RAB20: variants seen among roughly 807,000 people sequenced by gnomAD.
The protein encoded by RAB20 is ras-related protein Rab-20.
In RAB20, 2 loss-of-function variants were observed where a neutral mutation model predicts 3.7. The observed-to-expected ratio is 0.54, with a 90% CI of 0.22 to 1.69. RAB20 has a LOEUF of 1.69. Among genes scored for constraint, RAB20 ranks in the 40% most tolerant of loss-of-function variants. RAB20 has a pLI of 0.19. For synonymous variants in RAB20, 126 were observed against 130.8 expected (o/e 0.96, Z 0.25); for missense variants, 276 against 311.9 (o/e 0.88, Z 0.87).
intron 1 of RAB20, among the ~76,000 whole-genome samples, chr13:110,548,238 C>T (rs1884888587): frequency 6.6e-6 from 1 of 152,190 alleles, no homozygotes; most frequent in Non-Finnish European, 1.5e-5. Flanking sequence ...CATTCCAGCA[C>T]TTTGGGAGGC....
chr13:110,557,149 C>A (rs1352726246), intron 1 of RAB20, among the ~76,000 whole-genome samples: 2 of 152,110 alleles, frequency 1.3e-5, no homozygotes, highest in Non-Finnish European at 2.9e-5. Flanking sequence ...AGCCTGGGGT[C>A]TGAATGAGGA....
intron 1 of RAB20, among the ~76,000 whole-genome samples, chr13:110,538,930 C>G: frequency 6.6e-6 from 1 of 152,102 alleles, no homozygotes; most frequent in Admixed American, 6.5e-5. Flanking sequence ...TCAATTGTAC[C>G]AAGAAAATAC....
intron 1 of RAB20, among the ~76,000 whole-genome samples, chr13:110,537,124 G>C (rs1289313547): frequency 2.0e-5 from 3 of 151,818 alleles, no homozygotes; most frequent in African/African-American, 7.3e-5. Context: ...GGGACTACAG[G>C]CTCACGCCAC....
In RAB20 at chr13:110,523,095, TA is replaced by T; in HGVS notation, c.*569del. 2 of 388,574 alleles carry T rather than the reference TA, an allele frequency of 5.1e-6. No individual in the cohort carries two copies. Among genetic ancestry groups the T allele is most frequent in the Non-Finnish European group, 9.1e-6 (2 of 220,470 alleles). 24.1% of individuals were successfully genotyped at this position (388,574 alleles called of 1,614,324 possible). A position where few individuals can be genotyped will look rare whatever the true frequency, so the allele number is the denominator to read the frequency against. On this transcript the variant is annotated 3_prime_UTR_variant, in exon 2 of 2. Coordinates refer to ENST00000267328, the MANE Select transcript of RAB20 (RefSeq NM_017817.3). ...TTGTTCCAAAAATCCTCTTTAATAA[TA>T]CATGTAGCCAACATTGCTGCAATCA... is the stretch of plus-strand genomic sequence containing the variant.
intron 1 of RAB20, among the ~76,000 whole-genome samples, chr13:110,549,434 G>A (rs1000102567): frequency 7.9e-5 from 12 of 152,288 alleles, no homozygotes; most frequent in Non-Finnish European, 1.5e-4. Context: ...TTTCATCCAC[G>A]GTTCCTAGCT....
chr13:110,536,289 G>C (rs887921929), intron 1 of RAB20, among the ~76,000 whole-genome samples: 1 of 152,196 alleles, frequency 6.6e-6, no homozygotes, highest in Admixed American at 6.5e-5. Context: ...GGGAGAGGAT[G>C]AGCTTCTGCT....
At chr13:110,524,652 C>G (rs1038176630) in intron 1 of RAB20, among the ~76,000 whole-genome samples, 4 of 152,240 alleles carry the variant, frequency 2.6e-5, no homozygotes, top group African/African-American at 9.6e-5. Context: ...TCCCTTCACC[C>G]TCCTCCTTTA....
Position 110,523,757 on chromosome 13 carries a change from T to A in RAB20, c.613A>T (p.Ile205Phe), listed in dbSNP as rs373300657. 2.5e-6 allele frequency: 4 copies of A among 1,614,064 alleles called. No individual in the cohort carries two copies. The African/African-American group carries it at 5.3e-5, about 22-fold the overall frequency. The part of the protein sequence containing the change: ...ETLFDLVVPM[I>F]LQQRAERPSH... ...GGCCTCTCAGCTCTCTGCTGTAAGA[T>A]CATTGGCACCACCAGGTCAAAGAGG... The change falls in exon 2 of 2, where the codon ATC becomes TTC. Residue 205 changes from isoleucine (I) to phenylalanine (F), a missense_variant. Coordinates refer to ENST00000267328, the MANE Select transcript of RAB20 (RefSeq NM_017817.3).
chr13:110,555,853 C>T lies in RAB20; in HGVS notation c.172+5495G>A, dbSNP rs1371175024. ...CCAGCCTTCCCTCCTCTCGCCGTGG[C>T]CTCCCCATTTATTAGAGACTTGTTT... is the stretch of plus-strand genomic sequence containing the variant. On this transcript the variant is annotated intron_variant, in intron 1 of 1. Coordinates refer to ENST00000267328, the MANE Select transcript of RAB20 (RefSeq NM_017817.3). The surrounding 1 kb of genome is among the most constrained non-coding windows in gnomAD (Gnocchi z 4.0). Among the ~76,000 whole-genome samples the T allele has an allele frequency of 6.6e-6, 1 of 152,230 alleles. No homozygotes were observed. The highest frequency in any genetic ancestry group is 1.5e-5 in the Non-Finnish European group (1 of 68,044).
At chr13:110,556,998 TG>T (rs1410523858) in intron 1 of RAB20, among the ~76,000 whole-genome samples, 1 of 152,176 alleles carries the variant, frequency 6.6e-6, no homozygotes, top group Non-Finnish European at 1.5e-5. Context: ...CAGCCCGGAT[TG>T]GCCTAAACAG....
At chr13:110,551,246 A>C (rs1884945990) in intron 1 of RAB20, among the ~76,000 whole-genome samples, 1 of 152,220 alleles carries the variant, frequency 6.6e-6, no homozygotes, top group Admixed American at 6.5e-5. Context: ...ATGGGGTGCA[A>C]GGTCACTTTG....
chr13:110,538,111 C>T (rs996177630), intron 1 of RAB20, among the ~76,000 whole-genome samples: 61 of 151,552 alleles, frequency 4.0e-4, no homozygotes, highest in African/African-American at 1.4e-3. Context: ...TGGTGGTGTT[C>T]GCCTATAGGC....
chr13:110,537,952 G>A lies in RAB20; in HGVS notation c.173-13755C>T, dbSNP rs954711868. On this transcript the variant is annotated intron_variant, in intron 1 of 1. Transcript: ENST00000267328. ...AACCATGCTACACTATCAGCTTCAG[G>A]TCCTCCACCAGGATGGATCAGGAAA... 7.6e-4 allele frequency among the ~76,000 whole-genome samples: 115 copies of A among 152,064 alleles called. 1 individual carries two copies. Among genetic ancestry groups the A allele is most frequent in the Admixed American group, 7.5e-3 (114 of 15,266 alleles).
chr13:110,534,004 C>T (rs927994251), intron 1 of RAB20, among the ~76,000 whole-genome samples: 2 of 152,216 alleles, frequency 1.3e-5, no homozygotes, highest in Non-Finnish European at 2.9e-5. Context: ...TTGCCAGCCT[C>T]CACCCACCGT....
At chr13:110,543,279 C>T (rs1884796937) in intron 1 of RAB20, among the ~76,000 whole-genome samples, 1 of 152,122 alleles carries the variant, frequency 6.6e-6, no homozygotes, top group Non-Finnish European at 1.5e-5. Flanking sequence ...CAGATGTGCA[C>T]CACCTCCCCT....
chr13:110,544,555 T>C (rs1884819309), intron 1 of RAB20, among the ~76,000 whole-genome samples: 1 of 152,210 alleles, frequency 6.6e-6, no homozygotes, highest in African/African-American at 2.4e-5. Flanking sequence ...ATGACTCTAA[T>C]ACAGATGTAA....
chr13:110,542,039 G>T (rs954660407), intron 1 of RAB20, among the ~76,000 whole-genome samples: 1 of 152,032 alleles, frequency 6.6e-6, no homozygotes, highest in Non-Finnish European at 1.5e-5. Context: ...AATAATAAGG[G>T]TGTTTGTTGG....
chr13:110,531,048 G>C (rs1174349764), intron 1 of RAB20, among the ~76,000 whole-genome samples: 1 of 152,228 alleles, frequency 6.6e-6, no homozygotes, highest in Non-Finnish European at 1.5e-5. Context: ...CATTAGCTAT[G>C]GGAAGAAGCA....
At position 110,524,116 on chromosome 13, in the gene RAB20, C is replaced by A; in HGVS notation, c.254G>T (p.Arg85Leu). ...AIILTYDVNH[R>L]QSLVELEDRF... The stretch of plus-strand genomic sequence containing the variant: ...GTCCTCCAGCTCCACCAGGCTCTGC[C>A]GGTGATTCACATCATAGGTGAGGAT... The change falls in exon 2 of 2, where the codon CGG (arginine) becomes CTG (leucine). Residue 85 changes from arginine (R) to leucine (L), a missense_variant. By Grantham distance (102) the Arg-to-Leu change is moderately radical. Coordinates refer to ENST00000267328, the MANE Select transcript of RAB20 (RefSeq NM_017817.3). 6.2e-7 allele frequency: 1 copy of A among 1,612,360 alleles called. No homozygotes were observed. Among genetic ancestry groups the A allele is most frequent in the Non-Finnish European group, 8.5e-7 (1 of 1,179,990 alleles).
Sources: allele counts gnomAD v4.1 joint callset (sites outside exome capture counted in the v4.1 genomes callset), GRCh38; gene constraint gnomAD v4.1.1; non-coding constraint Gnocchi (gnomAD v3.1); transcripts MANE v1.5; gene names NCBI Gene and HGNC (gene_info 2026-07-23, HGNC 2026-07-21).